The following SAMSN1 variants were observed in gnomAD, a reference collection of about 807,000 sequenced individuals.
SAMSN1 encodes the protein SAM domain, SH3 domain and nuclear localization signals 1.
SAMSN1 carries 31 observed loss-of-function variants against 42.0 expected under a neutral mutation model. The observed-to-expected ratio is 0.74, with a 90% CI of 0.55 to 1.00. SAMSN1 has a LOEUF of 1.00. Ranked by LOEUF, SAMSN1 falls within the 50% of genes least tolerant of loss-of-function variation. SAMSN1 has a pLI of 0.00. For missense variants in SAMSN1, 464 were observed against 439.4 expected (o/e 1.06, Z -0.50); for synonymous variants, 178 against 151.9 (o/e 1.17, Z -1.26).
intron 1 of SAMSN1, among the ~76,000 whole-genome samples, chr21:14,652,834 A>C (rs560576088): frequency 6.6e-6 from 1 of 152,208 alleles, no homozygotes; most frequent in African/African-American, 2.4e-5. Flanking sequence ...AAACAACTCT[A>C]TAGGAAAAAG....
chr21:14,653,708 C>T lies in SAMSN1; in HGVS notation c.24+5040G>A, dbSNP rs1313892344. Among the ~76,000 whole-genome samples, 2 of 151,928 alleles carry T rather than the reference C, an allele frequency of 1.3e-5. 1 individual carries two copies. The highest frequency in any genetic ancestry group is 3.9e-4 in the East Asian group (2 of 5,186). ...CTTGCGGGAATGGATACCCCATTCT[C>T]CATGATGTGCTTATTTCACATTGCA... On this transcript the variant is annotated intron_variant, in intron 1 of 15. Coordinates refer to the SAMSN1 transcript ENST00000647101.
At chr21:14,601,520 T>C (rs776956967) in intron 6 of SAMSN1, among the ~76,000 whole-genome samples, 12 of 152,222 alleles carry the variant, frequency 7.9e-5, no homozygotes, top group Non-Finnish European at 1.6e-4. Context: ...ATGCCTGAAT[T>C]GGCCTTGTTG....
At chr21:14,577,284 A>ATATTT (rs1460040142) in intron 2 of SAMSN1, among the ~76,000 whole-genome samples, 35 of 53,842 alleles carry the variant, frequency 6.5e-4, no homozygotes, top group African/African-American at 8.4e-4. Context: ...ATATATATAT[A>ATATTT]TTTTTTTTTT....
At chr21:14,585,732 T>C (rs1455430884), upstream of SAMSN1, among the ~76,000 whole-genome samples, 5 of 152,220 alleles carry the variant, frequency 3.3e-5, no homozygotes, top group Non-Finnish European at 7.3e-5. Context: ...TGTACATGGC[T>C]TAATAAATAT....
rs1203320237 is a variant in SAMSN1, at chr21:14,654,884, AG to A, written c.24+3863del. ...AAAGAAAGAGAGAAAGAGAGAGAGAAGAAGAAAAAGAGTTGTCATTCTAAAT... is the reference window on the plus strand; with the variant it reads ...AAAGAAAGAGAGAAAGAGAGAGAGAAAAGAAAAAGAGTTGTCATTCTAAAT... On this transcript the variant is annotated intron_variant, in intron 1 of 15. Coordinates refer to the SAMSN1 transcript ENST00000647101. Among the ~76,000 whole-genome samples the A allele has an allele frequency of 7.2e-5, 11 of 151,892 alleles. No individual in the cohort carries two copies. The East Asian group carries it at 1.9e-3, about 27-fold the overall frequency.
Position 14,516,894 on chromosome 21 carries a change from T to C in SAMSN1, c.277A>G (p.Lys93Glu). The stretch of plus-strand genomic sequence containing the variant: ...AATGATTATCAGAGAATATTTACCT[T>C]TTCCTCAGAAAGGGCTTTGATGTAC... ...KKYIKALSEE[K>E]DEEDGENAHP... The change falls in exon 3 of 8, where the codon AAG becomes GAG. Residue 93 changes from lysine to glutamate, a missense_variant and splice_region_variant. Physicochemically the swap from Lys to Glu is moderately conservative, Grantham distance 56 (BLOSUM62 1). Transcript: ENST00000400566. The C allele has an allele frequency of 6.2e-7, 1 of 1,600,430 alleles. No homozygotes were observed. Among genetic ancestry groups the C allele is most frequent in the Non-Finnish European group, 8.5e-7 (1 of 1,175,412 alleles).
rs765627597 is a variant in SAMSN1 at position 14,613,952 on chromosome 21, C to T, written c.198-1039G>A. 2.8e-3 allele frequency among the ~76,000 whole-genome samples: 420 copies of T among 151,958 alleles called. 6 individuals carry two copies. Among genetic ancestry groups the T allele is most frequent in the Non-Finnish European group, 1.6e-3 (110 of 67,914 alleles). The stretch of plus-strand genomic sequence containing the variant: ...ACACAAGGATTCAATCAGCAAAATT[C>T]AAAAATCTGGGAAATTCTTCAGGAC... On this transcript the variant is annotated intron_variant, in intron 3 of 15. Coordinates refer to the SAMSN1 transcript ENST00000647101.
intron 7 of SAMSN1, among the ~76,000 whole-genome samples, chr21:14,489,991 AG>A (rs1986615522): frequency 6.6e-6 from 1 of 152,178 alleles, no homozygotes. Context: ...TCTGGGAAAA[AG>A]TTCTACTCTA....
chr21:14,516,761 T>G, intron 3 of SAMSN1, 131 bp downstream of exon 3: 1 of 684,852 alleles, frequency 1.5e-6, no homozygotes, highest in South Asian at 2.4e-5. Flanking sequence ...ACCCAAGTTC[T>G]GGGCATAATG....
chr21:14,651,597 G>A (rs958369412), intron 1 of SAMSN1, among the ~76,000 whole-genome samples: 2 of 151,966 alleles, frequency 1.3e-5, no homozygotes, highest in Non-Finnish European at 2.9e-5. Flanking sequence ...CTGGGGAAAA[G>A]ATGAAAGCCT....
intron 1 of SAMSN1, among the ~76,000 whole-genome samples, chr21:14,538,407 C>T (rs868612308): frequency 3.9e-5 from 6 of 152,244 alleles, no homozygotes; most frequent in Middle Eastern, 3.4e-3. Flanking sequence ...AAAATTTTTG[C>T]ATCTACAGGG....
At chr21:14,536,126 C>T (rs1006813834) in intron 1 of SAMSN1, among the ~76,000 whole-genome samples, 5 of 151,966 alleles carry the variant, frequency 3.3e-5, no homozygotes, top group East Asian at 1.9e-4. Context: ...GAAAGTTCAT[C>T]GAAATCTTTA....
intron 2 of SAMSN1, among the ~76,000 whole-genome samples, chr21:14,570,072 T>C (rs993919234): frequency 2.0e-5 from 3 of 151,986 alleles, no homozygotes; most frequent in African/African-American, 7.3e-5. Flanking sequence ...AAATATTTTG[T>C]GGTGGTTGAC....
At chr21:14,638,911 C>T (rs982259468) in intron 2 of SAMSN1, among the ~76,000 whole-genome samples, 6 of 152,210 alleles carry the variant, frequency 3.9e-5, no homozygotes, top group Non-Finnish European at 5.9e-5. Context: ...ATCATTGGCT[C>T]TCCATTATTA....
chr21:14,622,980 A>G (rs1396121219), intron 2 of SAMSN1, among the ~76,000 whole-genome samples: 1 of 152,246 alleles, frequency 6.6e-6, no homozygotes, highest in Non-Finnish European at 1.5e-5. Flanking sequence ...ATTCTTAAAG[A>G]AAAGAATTTT....
intron 2 of SAMSN1, among the ~76,000 whole-genome samples, chr21:14,568,494 G>A (rs1981191023): frequency 6.6e-6 from 1 of 152,174 alleles, no homozygotes; most frequent in Non-Finnish European, 1.5e-5. Context: ...ATTTTCACGG[G>A]AATCAGGTCT....
At chr21:14,506,639 A>G (rs1440681670) in intron 5 of SAMSN1, among the ~76,000 whole-genome samples, 1 of 152,172 alleles carries the variant, frequency 6.6e-6, no homozygotes, top group Non-Finnish European at 1.5e-5. Flanking sequence ...TACCAATCCT[A>G]TTGACACTAT....
intron 5 of SAMSN1, among the ~76,000 whole-genome samples, chr21:14,605,422 T>C (rs1003312596): frequency 5.9e-5 from 9 of 152,218 alleles, no homozygotes; most frequent in African/African-American, 2.2e-4. Flanking sequence ...ATTCCTCATG[T>C]AGTCTAGTTT....
intron 1 of SAMSN1, among the ~76,000 whole-genome samples, chr21:14,658,151 A>G (rs1320746182): frequency 6.6e-6 from 1 of 151,882 alleles, no homozygotes; most frequent in African/African-American, 2.4e-5. Context: ...ACTACCTGAT[A>G]ACTTTCACTG....
Sources: gnomAD v4.1 joint callset for allele counts (sites outside exome capture counted in the v4.1 genomes callset) on GRCh38, gnomAD v4.1.1 for gene constraint, MANE v1.5 for transcripts, NCBI Gene and HGNC (gene_info 2026-07-23, HGNC 2026-07-21) for gene names.